Variants in PHF14 observed in about 807,000 individuals in gnomAD.
The protein encoded by PHF14 is PHD finger protein 14.
A neutral mutation model predicts 117.9 loss-of-function variants in PHF14; 55 were observed. The observed-to-expected ratio is 0.47, with a 90% CI of 0.38 to 0.58. The LOEUF (loss-of-function observed/expected upper bound fraction) is 0.58, where lower values mean the gene tolerates loss of function less well. PHF14 is among the 20% of genes least tolerant of loss of function. PHF14 has a pLI of 0.00. For synonymous variants in PHF14, 409 were observed against 368.6 expected, an observed-to-expected ratio of 1.11 and a Z score of -1.26; for missense variants, 978 against 1,122.2, an observed-to-expected ratio of 0.87 and a Z score of 1.84.
At chr7:11,111,603 A>G (rs904842121) in intron 17 of PHF14, 136 bp downstream of exon 17, 1 of 479,946 alleles carries the variant, frequency 2.1e-6, no homozygotes, top group African/African-American at 2.0e-5. Context: ...TTAAGAATAT[A>G]TTGCTATGGT....
chr7:11,079,127 T>A (rs1475793201), intron 16 of PHF14, among the ~76,000 whole-genome samples: 1 of 152,176 alleles, frequency 6.6e-6, no homozygotes, highest in Non-Finnish European at 1.5e-5. Context: ...TACAATGAAC[T>A]TAAAAGGATT....
chr7:11,114,739 G>A (rs1019119938), intron 17 of PHF14, among the ~76,000 whole-genome samples: 1 of 151,928 alleles, frequency 6.6e-6, no homozygotes, highest in African/African-American at 2.4e-5. Context: ...TTACATACAT[G>A]GAGGCACAAA....
At chr7:11,129,578 A>T (rs1788031074) in intron 17 of PHF14, among the ~76,000 whole-genome samples, 2 of 149,938 alleles carry the variant, frequency 1.3e-5, no homozygotes, top group African/African-American at 4.9e-5. Context: ...CTTTACATAA[A>T]ATTTAAGAGA....
intron 16 of PHF14, among the ~76,000 whole-genome samples, chr7:11,072,134 A>T (rs905851383): frequency 6.6e-6 from 1 of 152,226 alleles, no homozygotes; most frequent in Non-Finnish European, 1.5e-5. Context: ...CTGTAAGGGA[A>T]GCATAGCGGT....
intron 17 of PHF14, among the ~76,000 whole-genome samples, chr7:11,112,850 AT>A (rs1333408936): frequency 1.3e-5 from 2 of 152,124 alleles, no homozygotes; most frequent in East Asian, 3.8e-4. Context: ...ATAATCAAGC[AT>A]TTTAACCTAA....
chr7:11,061,092 A>C (rs2128329397), intron 14 of PHF14, among the ~76,000 whole-genome samples: 1 of 152,244 alleles, frequency 6.6e-6, no homozygotes, highest in African/African-American at 2.4e-5. Context: ...TGGTCTGCAT[A>C]TGGGGCTGTG....
intron 17 of PHF14, among the ~76,000 whole-genome samples, chr7:11,162,072 C>CTTTTTTTTTTTTTTTTTT (rs564998009): frequency 5.7e-5 from 4 of 70,276 alleles, no homozygotes; most frequent in Non-Finnish European, 5.9e-5. Flanking sequence ...AAAAATATGT[C>CTTTTTTTTTTTTTTTTTT]TTTTTTTTTT....
intron 4 of PHF14, 65 bp downstream of exon 4, chr7:10,990,912 A>G: frequency 1.8e-6 from 2 of 1,133,878 alleles, no homozygotes; most frequent in South Asian, 1.6e-5. Flanking sequence ...CATTTGTACT[A>G]AGGTGGTTCT....
At chr7:11,019,027 TG>T (rs1416078684) in intron 5 of PHF14, among the ~76,000 whole-genome samples, 1 of 152,216 alleles carries the variant, frequency 6.6e-6, no homozygotes, top group African/African-American at 2.4e-5. Flanking sequence ...CCTGTTGATG[TG>T]ATATATCATG....
chr7:11,034,415 T>C (rs1372858980), intron 7 of PHF14, among the ~76,000 whole-genome samples: 1 of 151,998 alleles, frequency 6.6e-6, no homozygotes, highest in Non-Finnish European at 1.5e-5. Flanking sequence ...GTACACTACT[T>C]TTTATGAATG....
At chr7:11,048,887 G>T (rs1784760658) in intron 13 of PHF14, among the ~76,000 whole-genome samples, 1 of 129,684 alleles carries the variant, frequency 7.7e-6, no homozygotes, top group Non-Finnish European at 1.7e-5. Context: ...TTGATTTTTT[G>T]AGTTGTTCCG....
At chr7:11,109,972 T>A (rs1787388689) in intron 16 of PHF14, 1 of 151,890 alleles carries the variant, frequency 6.6e-6, no homozygotes, top group African/African-American at 2.4e-5. Context: ...GACATTCATT[T>A]GTGTTTTAAA....
chr7:11,024,505 A>C (rs989682402), intron 6 of PHF14, among the ~76,000 whole-genome samples: 3 of 152,204 alleles, frequency 2.0e-5, no homozygotes, highest in Non-Finnish European at 2.9e-5. Context: ...TTCTAAGGGC[A>C]GGCTGTCTCT....
chr7:11,163,433 T>C (rs888313591), intron 17 of PHF14, among the ~76,000 whole-genome samples: 1 of 152,214 alleles, frequency 6.6e-6, no homozygotes, highest in Non-Finnish European at 1.5e-5. Context: ...GAATCTCAAA[T>C]ATGCAAAGTC....
chr7:11,029,987 T>C (rs1016959548), intron 7 of PHF14, among the ~76,000 whole-genome samples: 7 of 152,018 alleles, frequency 4.6e-5, no homozygotes, highest in African/African-American at 1.5e-4. Flanking sequence ...GAAGGATATA[T>C]TTTATGAATA....
intron 17 of PHF14, among the ~76,000 whole-genome samples, chr7:11,153,983 A>C (rs573588890): frequency 6.7e-6 from 1 of 150,340 alleles, no homozygotes; most frequent in African/African-American, 2.5e-5. Context: ...TTTAAGAATA[A>C]GGAATACTTT....
chr7:11,121,025 A>G (rs946693204), intron 17 of PHF14, among the ~76,000 whole-genome samples: 1 of 152,216 alleles, frequency 6.6e-6, no homozygotes, highest in African/African-American at 2.4e-5. Context: ...AAGTAAATCC[A>G]GTAAAATGTA....
chr7:11,056,119 G>T (rs1438088683), intron 14 of PHF14, among the ~76,000 whole-genome samples: 1 of 152,104 alleles, frequency 6.6e-6, no homozygotes, highest in African/African-American at 2.4e-5. Context: ...AGTTTTTGTA[G>T]TGAACTAGAA....
chr7:11,026,170 C>T (rs1409888810), intron 6 of PHF14, among the ~76,000 whole-genome samples: 2 of 151,490 alleles, frequency 1.3e-5, no homozygotes, highest in African/African-American at 4.9e-5. Context: ...CAGCAACCAC[C>T]ACCACCCCCA....
Sources: gnomAD v4.1 joint callset for allele counts (sites outside exome capture counted in the v4.1 genomes callset) on GRCh38, gnomAD v4.1.1 for gene constraint, MANE v1.5 for transcripts, NCBI Gene and HGNC (gene_info 2026-07-23, HGNC 2026-07-21) for gene names.